CFAP20DC: variants seen among roughly 807,000 people sequenced by gnomAD.
CFAP20DC encodes CFAP20 domain containing, also known as protein CFAP20DC.
A neutral mutation model predicts 101.7 loss-of-function variants in CFAP20DC; 84 were observed. The ratio of observed to expected loss-of-function variants is 0.83; its 90% CI spans 0.69 to 0.99. CFAP20DC has a LOEUF of 0.99. CFAP20DC is among the 50% of genes least tolerant of loss of function. The pLI is 0.00. For synonymous variants in CFAP20DC, 359 were observed against 351.2 expected, an observed-to-expected ratio of 1.02 and a Z score of -0.25; for missense variants, 1,007 against 970.3, an observed-to-expected ratio of 1.04 and a Z score of -0.50.
chr3:58,867,345 T>C (rs1400537200), intron 10 of CFAP20DC, among the ~76,000 whole-genome samples: 1 of 152,206 alleles, frequency 6.6e-6, no homozygotes, highest in Non-Finnish European at 1.5e-5. Context: ...TCTAATGCTT[T>C]ACCAGTTGCA....
At chr3:58,922,270 T>C (rs1369510127) in intron 5 of CFAP20DC, among the ~76,000 whole-genome samples, 1 of 152,236 alleles carries the variant, frequency 6.6e-6, no homozygotes, top group East Asian at 1.9e-4. Flanking sequence ...TGTTCTTTGT[T>C]CAGTTCTCTA....
intron 15 of CFAP20DC, among the ~76,000 whole-genome samples, chr3:58,763,697 G>A (rs1325953800): frequency 6.6e-6 from 1 of 152,168 alleles, no homozygotes. Context: ...TGATGATGGT[G>A]ATGTACAGAT....
rs2087266400 is a variant in CFAP20DC at position 58,934,699 on chromosome 3, A to G, written c.393+2949T>C. On this transcript the variant is annotated intron_variant, in intron 5 of 16. Coordinates refer to ENST00000482387, the MANE Select transcript of CFAP20DC (RefSeq NM_001394063.1). ...CATGATTATTTCAATAGATGCAGAA[A>G]AGGCCTTTGACAAAATTCAACAGCC... Among the ~76,000 whole-genome samples the G allele has an allele frequency of 2.0e-5, 3 of 152,244 alleles. No individual in the cohort carries two copies. In the South Asian group the frequency reaches 6.2e-4, roughly 32 times the overall value.
intron 3 of CFAP20DC, chr3:58,725,850 T>C (rs1575514109): frequency 1.0e-5 from 2 of 200,882 alleles, no homozygotes; most frequent in South Asian, 1.1e-4. Flanking sequence ...TCTGGATCCA[T>C]CTGGTTTTTA....
intron 16 of CFAP20DC, among the ~76,000 whole-genome samples, chr3:58,753,295 C>T (rs936393971): frequency 3.3e-5 from 5 of 152,136 alleles, no homozygotes; most frequent in African/African-American, 9.7e-5. Context: ...GTTGAAATAT[C>T]GTGTCTGCTG....
intron 5 of CFAP20DC, among the ~76,000 whole-genome samples, chr3:58,921,555 C>T (rs1274800508): frequency 6.6e-6 from 1 of 152,000 alleles, no homozygotes. Flanking sequence ...ATCCAATTAT[C>T]TTTTTTATTG....
chr3:58,967,636 G>T (rs1576521637), intron 4 of CFAP20DC, among the ~76,000 whole-genome samples: 1 of 152,232 alleles, frequency 6.6e-6, no homozygotes, highest in East Asian at 1.9e-4. Context: ...ACATAGAATA[G>T]ATTTAAAAAC....
chr3:58,777,385 C>T (rs1488306574), intron 15 of CFAP20DC, among the ~76,000 whole-genome samples: 1 of 152,168 alleles, frequency 6.6e-6, no homozygotes, highest in Non-Finnish European at 1.5e-5. Flanking sequence ...TTGTCAGGAC[C>T]TCCTGAGGCT....
At chr3:58,739,868 C>A (rs2067842435), downstream of CFAP20DC, among the ~76,000 whole-genome samples, 1 of 152,180 alleles carries the variant, frequency 6.6e-6, no homozygotes, top group African/African-American at 2.4e-5. Flanking sequence ...TTCAACTCTT[C>A]TGTAGAAATC....
chr3:58,886,700 A>G (rs1265639791), intron 6 of CFAP20DC, among the ~76,000 whole-genome samples: 1 of 152,106 alleles, frequency 6.6e-6, no homozygotes, highest in African/African-American at 2.4e-5. Flanking sequence ...AGATGGAGAA[A>G]GACCCTGTCT....
At chr3:59,047,817 G>A (rs1197607063) in intron 1 of CFAP20DC, among the ~76,000 whole-genome samples, 5 of 152,088 alleles carry the variant, frequency 3.3e-5, no homozygotes, top group African/African-American at 1.2e-4. Flanking sequence ...ATAATACTCA[G>A]CTCACAGCAG....
chr3:58,762,519 A>T (rs1208418971), intron 15 of CFAP20DC, among the ~76,000 whole-genome samples: 1 of 151,890 alleles, frequency 6.6e-6, no homozygotes, highest in Non-Finnish European at 1.5e-5. Flanking sequence ...TTTTAATTGG[A>T]GCATTTAGCC....
intron 4 of CFAP20DC, among the ~76,000 whole-genome samples, chr3:58,956,274 T>C (rs189471883): frequency 8.2e-4 from 124 of 152,020 alleles, no homozygotes; most frequent in Middle Eastern, 3.4e-3. Flanking sequence ...CATTTCTGAA[T>C]CTTCCCTAGG....
chr3:58,753,835 T>C lies in CFAP20DC; in HGVS notation c.2266A>G (p.Ile756Val), dbSNP rs1252578439. 4 of 1,612,628 alleles carry C rather than the reference T, an allele frequency of 2.5e-6. No homozygotes were observed. Among genetic ancestry groups the C allele is most frequent in the South Asian group, 1.1e-5 (1 of 90,878 alleles). Reference protein sequence around the residue: ...RDWLNMLSPPIVPPSQQPAEQ... With the variant: ...RDWLNMLSPPVVPPSQQPAEQ... Reference sequence around the variant, plus strand: ...GCCGGCTGTTGACTGGGAGGAACGATTGGTGGGCTCAACATATTTAACCAG... The same window carrying C: ...GCCGGCTGTTGACTGGGAGGAACGACTGGTGGGCTCAACATATTTAACCAG... The change falls in exon 16 of 17, where the codon ATC (isoleucine) becomes GTC (valine). Residue 756 changes from isoleucine to valine, a missense_variant. Ile to Val is a conservative substitution (Grantham distance 29). Transcript: ENST00000482387.
At position 58,812,935 on chromosome 3, in the gene CFAP20DC, A is replaced by G. The variant is rs895953134; in HGVS notation, c.2176-6479T>C. ...ATTGGTTGATATTTTCAGACAGGAA[A>G]ACAAAACCAAACAAGATATCTCATG... On this transcript the variant is annotated intron_variant, in intron 14 of 16. Coordinates refer to ENST00000482387, the MANE Select transcript of CFAP20DC (RefSeq NM_001394063.1). 3.3e-5 allele frequency among the ~76,000 whole-genome samples: 5 copies of G among 152,018 alleles called. No individual in the cohort carries two copies. The South Asian group carries it at 1.0e-3, about 32-fold the overall frequency.
intron 15 of CFAP20DC, among the ~76,000 whole-genome samples, chr3:58,798,035 A>G (rs1257561676): frequency 1.3e-5 from 2 of 152,208 alleles, no homozygotes; most frequent in Non-Finnish European, 2.9e-5. Flanking sequence ...ATGAGCTCCA[A>G]TGAAGATGTA....
chr3:58,812,508 G>A (rs2074737643), intron 14 of CFAP20DC, among the ~76,000 whole-genome samples: 1 of 150,984 alleles, frequency 6.6e-6, no homozygotes, highest in Non-Finnish European at 1.5e-5. Flanking sequence ...TGAACAATGA[G>A]AACACATGGA....
At chr3:58,796,885 C>T (rs1040159144) in intron 15 of CFAP20DC, among the ~76,000 whole-genome samples, 5 of 152,096 alleles carry the variant, frequency 3.3e-5, no homozygotes, top group East Asian at 1.9e-4. Flanking sequence ...TACGGTGATA[C>T]GTGACAGTGA....
intron 4 of CFAP20DC, among the ~76,000 whole-genome samples, chr3:58,948,320 G>C (rs950175721): frequency 2.6e-5 from 4 of 152,184 alleles, no homozygotes; most frequent in African/African-American, 4.8e-5. Flanking sequence ...ATCACAGTTT[G>C]AGTTGAAATG....
Sources: allele counts gnomAD v4.1 joint callset (sites outside exome capture counted in the v4.1 genomes callset), GRCh38; gene constraint gnomAD v4.1.1; transcripts MANE v1.5; gene names NCBI Gene and HGNC (gene_info 2026-07-23, HGNC 2026-07-21).